KLF12: variants seen among roughly 807,000 people sequenced by gnomAD.
The protein encoded by KLF12 is Krueppel-like factor 12.
A neutral mutation model predicts 37.8 loss-of-function variants in KLF12; 9 were observed. The ratio of observed to expected loss-of-function variants is 0.24; its 90% CI spans 0.14 to 0.42. KLF12 has a LOEUF of 0.42. KLF12 is among the 10% of genes least tolerant of loss of function. KLF12 has a pLI of 1.00. For synonymous variants in KLF12, 208 were observed against 202.1 expected, an observed-to-expected ratio of 1.03 and a Z score of -0.25; for missense variants, 411 against 516.0, an observed-to-expected ratio of 0.80 and a Z score of 1.97.
rs923478678 is a variant in KLF12, at chr13:73,687,792, A to G, written c.*7698T>C. On this transcript the variant is annotated 3_prime_UTR_variant, in exon 8 of 8. Transcript: ENST00000377669. ...ATGCAATAATTCACACAAGGAGTCC[A>G]TTCATTGGTTCTCGCCTTGCACAAA... 3.9e-5 allele frequency: 6 copies of G among 152,212 alleles called. No homozygotes were observed. Among genetic ancestry groups the G allele is most frequent in the African/African-American group, 1.4e-4 (6 of 41,452 alleles). The allele number at this position is 152,212 out of a possible 1,614,324, so 9.4% of individuals were successfully genotyped here.
At chr13:74,165,299 C>CTTTTT in the KLF12 span, among the ~76,000 whole-genome samples, 116 of 98,264 alleles carry the variant, frequency 1.2e-3, no homozygotes, top group Non-Finnish European at 1.9e-3. Flanking sequence ...ATTTTCTTTT[C>CTTTTT]TTTTTTTTTT....
the KLF12 span, chr13:74,259,684 T>C: frequency 2.0e-5 from 3 of 152,212 alleles, no homozygotes; most frequent in Non-Finnish European, 2.9e-5. Flanking sequence ...ACTTCTTTCC[T>C]TTTATCTACT....
intron 5 of KLF12, among the ~76,000 whole-genome samples, chr13:73,806,264 C>T (rs796881985): frequency 3.0e-4 from 45 of 152,074 alleles, no homozygotes; most frequent in African/African-American, 9.6e-4. Context: ...CCACCACGCT[C>T]GGCTAATTTT....
the KLF12 span, among the ~76,000 whole-genome samples, chr13:74,166,509 A>G: frequency 6.6e-6 from 1 of 152,174 alleles, no homozygotes; most frequent in East Asian, 1.9e-4. Context: ...ACTGCAACTA[A>G]CAAATGATTG....
chr13:73,831,193 T>C (rs1249515798), intron 4 of KLF12, among the ~76,000 whole-genome samples: 1 of 152,192 alleles, frequency 6.6e-6, no homozygotes, highest in Admixed American at 6.5e-5. Flanking sequence ...TTTTAAAGCA[T>C]CAAGCCTAAG....
At chr13:74,011,239 CAA>C (rs58892976) in intron 1 of KLF12, among the ~76,000 whole-genome samples, 16 of 56,074 alleles carry the variant, frequency 2.9e-4, no homozygotes, top group Admixed American at 7.9e-4. Context: ...CAAGTCAGAG[CAA>C]AAAAAAAAAA....
chr13:73,916,007 G>A (rs557414834), intron 3 of KLF12, among the ~76,000 whole-genome samples: 1 of 152,118 alleles, frequency 6.6e-6, no homozygotes, highest in East Asian at 1.9e-4. Context: ...TCTACTTATG[G>A]AGAGTTTAAA....
intron 7 of KLF12, among the ~76,000 whole-genome samples, chr13:73,702,871 A>G (rs1403927271): frequency 6.6e-6 from 1 of 152,186 alleles, no homozygotes; most frequent in East Asian, 1.9e-4. Flanking sequence ...CTGGAAGGAA[A>G]TTAGGTACCT....
intron 6 of KLF12, among the ~76,000 whole-genome samples, chr13:73,721,602 C>T (rs1429590684): frequency 6.6e-6 from 1 of 152,168 alleles, no homozygotes; most frequent in Non-Finnish European, 1.5e-5. Flanking sequence ...GCCCAAGCTG[C>T]AGTGCAGTGG....
chr13:73,837,723 A>T (rs1469824807), intron 4 of KLF12, among the ~76,000 whole-genome samples: 2 of 152,208 alleles, frequency 1.3e-5, no homozygotes, highest in Non-Finnish European at 2.9e-5. Context: ...AAACAACATT[A>T]AAAAAGTAAA....
chr13:74,231,594 C>T, the KLF12 span: 1 of 152,172 alleles, frequency 6.6e-6, no homozygotes, highest in East Asian at 1.9e-4. Context: ...CCAGCCCTGA[C>T]TATCCCAACA....
At chr13:74,118,203 C>A (rs983541131) in intron 1 of KLF12, among the ~76,000 whole-genome samples, 12 of 152,096 alleles carry the variant, frequency 7.9e-5, no homozygotes, top group Non-Finnish European at 1.6e-4. Flanking sequence ...ATTTATGAAA[C>A]AAGATGGCAA....
At chr13:73,979,625 GA>G (rs1399229250) in intron 2 of KLF12, among the ~76,000 whole-genome samples, 2 of 152,046 alleles carry the variant, frequency 1.3e-5, no homozygotes, top group African/African-American at 4.8e-5. Context: ...TTTACCAAAT[GA>G]AAAAATAATG....
At chr13:73,735,946 T>G (rs1877423214) in intron 6 of KLF12, among the ~76,000 whole-genome samples, 1 of 128,840 alleles carries the variant, frequency 7.8e-6, no homozygotes, top group Non-Finnish European at 1.6e-5. Context: ...TGATTTTCTT[T>G]CTTTCTTTTT....
At chr13:74,260,901 T>C in the KLF12 span, among the ~76,000 whole-genome samples, 1 of 151,650 alleles carries the variant, frequency 6.6e-6, no homozygotes, top group African/African-American at 2.4e-5. Context: ...AAAATGTAGG[T>C]GAGAAAAAAT....
At chr13:74,168,241 G>T in the KLF12 span, among the ~76,000 whole-genome samples, 1,662 of 152,226 alleles carry the variant, frequency 0.011, 36 homozygotes, top group African/African-American at 0.038. Context: ...TTCTTTGCCC[G>T]TCTTCTCACA....
chr13:74,188,683 T>C, the KLF12 span, among the ~76,000 whole-genome samples: 1 of 152,094 alleles, frequency 6.6e-6, no homozygotes, highest in Non-Finnish European at 1.5e-5. Context: ...CATGGGTTGT[T>C]AATAGGTATT....
At chr13:74,042,303 CAAAAAA>C (rs547433221) in intron 1 of KLF12, among the ~76,000 whole-genome samples, 1 of 74,536 alleles carries the variant, frequency 1.3e-5, no homozygotes, top group African/African-American at 4.3e-5. Flanking sequence ...GACTCCATCT[CAAAAAA>C]AAAAAAAAAA....
the KLF12 span, among the ~76,000 whole-genome samples, chr13:74,240,964 C>T: frequency 6.6e-6 from 1 of 151,830 alleles, no homozygotes; most frequent in African/African-American, 2.4e-5. Context: ...ATTCTCCATC[C>T]AGCTTTGTTC....
Sources: allele counts gnomAD v4.1 joint callset (sites outside exome capture counted in the v4.1 genomes callset), GRCh38; gene constraint gnomAD v4.1.1; transcripts MANE v1.5; gene names NCBI Gene and HGNC (gene_info 2026-07-23, HGNC 2026-07-21).